The following DGKI variants were observed in gnomAD, a reference collection of about 807,000 sequenced individuals.
DGKI encodes the protein diacylglycerol kinase iota, also known as DAG kinase iota.
A neutral mutation model predicts 147.5 loss-of-function variants in DGKI; 55 were observed. The ratio of observed to expected loss-of-function variants is 0.37; its 90% confidence interval spans 0.30 to 0.47. The LOEUF (loss-of-function observed/expected upper bound fraction) is 0.47. Among genes scored for constraint, DGKI ranks in the 20% least tolerant of loss-of-function variants. The probability of loss-of-function intolerance (pLI) is 1.00; values close to 1 mark genes in which losing one functional copy is unlikely to be tolerated. For missense variants in DGKI, 1,007 were observed against 1,323.8 expected (o/e 0.76, Z 3.71); for synonymous variants, 469 against 477.1 (o/e 0.98, Z 0.22).
chr7:137,440,073 G>A (rs558037963), intron 28 of DGKI, among the ~76,000 whole-genome samples: 11 of 152,332 alleles, frequency 7.2e-5, no homozygotes, highest in African/African-American at 2.6e-4. Context: ...CAGAAAGGAA[G>A]ATGAGTTCTC....
At chr7:137,645,205 T>C (rs1007781831) in intron 6 of DGKI, among the ~76,000 whole-genome samples, 3 of 152,244 alleles carry the variant, frequency 2.0e-5, no homozygotes, top group African/African-American at 7.2e-5. Flanking sequence ...AAAACAGTCA[T>C]GTTTTCAAAA....
At chr7:137,789,837 C>A (rs1476881939) in intron 1 of DGKI, among the ~76,000 whole-genome samples, 1 of 152,146 alleles carries the variant, frequency 6.6e-6, no homozygotes, top group Non-Finnish European at 1.5e-5. Context: ...TGTATTCCCC[C>A]AAACACAACA....
chr7:137,396,506 G>C (rs1811558278), intron 31 of DGKI, among the ~76,000 whole-genome samples: 1 of 152,200 alleles, frequency 6.6e-6, no homozygotes, highest in Non-Finnish European at 1.5e-5. Context: ...CTTTAGAGAA[G>C]GCAAAATGGG....
chr7:137,397,158 G>A (rs747761693), intron 31 of DGKI, among the ~76,000 whole-genome samples: 10 of 152,210 alleles, frequency 6.6e-5, no homozygotes, highest in South Asian at 4.1e-4. Context: ...GATGATTAGC[G>A]CTGACTATGG....
chr7:137,552,730 G>A (rs552473035), intron 19 of DGKI, among the ~76,000 whole-genome samples, 162 bp from the exon 20 acceptor site: 28 of 148,428 alleles, frequency 1.9e-4, no homozygotes, highest in South Asian at 2.1e-4. Flanking sequence ...CCAACATGGC[G>A]AGACCCGGTC....
chr7:137,785,353 C>T (rs997791395), intron 1 of DGKI, among the ~76,000 whole-genome samples: 9 of 151,800 alleles, frequency 5.9e-5, no homozygotes, highest in African/African-American at 1.9e-4. Context: ...GTGCATAAAC[C>T]AGAAAACCTG....
chr7:137,646,363 T>C (rs1821824348), intron 5 of DGKI, among the ~76,000 whole-genome samples: 1 of 152,174 alleles, frequency 6.6e-6, no homozygotes, highest in Admixed American at 6.5e-5. Context: ...TTTGCAATGG[T>C]ATTGTGTTTA....
chr7:137,532,412 T>C (rs1393070992), intron 20 of DGKI, among the ~76,000 whole-genome samples: 2 of 152,210 alleles, frequency 1.3e-5, no homozygotes, highest in East Asian at 1.9e-4. Flanking sequence ...ACAATGTATA[T>C]ACTCTCCTAA....
intron 1 of DGKI, among the ~76,000 whole-genome samples, chr7:137,783,819 T>C (rs1319233502): frequency 6.6e-6 from 1 of 152,228 alleles, no homozygotes; most frequent in African/African-American, 2.4e-5. Context: ...TGGGATTCTA[T>C]TTTTAGCCTC....
At chr7:137,512,378 C>CA (rs955592078) in intron 21 of DGKI, among the ~76,000 whole-genome samples, 21 of 152,236 alleles carry the variant, frequency 1.4e-4, no homozygotes, top group African/African-American at 4.8e-4. Flanking sequence ...TGTGACTCTG[C>CA]AATGGCCAAC....
rs1207459653 is a variant in DGKI, at chr7:137,846,685, C to G, written c.178G>C (p.Gly60Arg). ...CCGCCCGTCGCCCCTTTCTCCTCTC[C>G]CGCCGAGGAGCTGGGGTTCATGGCG... Reference protein sequence around the residue: ...AGAMNPSSSAGEEKGATGGSS... With the variant: ...AGAMNPSSSAREEKGATGGSS... The change falls in exon 1 of 33, where the codon GGA becomes CGA. Residue 60 changes from glycine (G) to arginine (R), a missense_variant. Gly to Arg is a moderately radical substitution (Grantham distance 125, BLOSUM62 -2). Transcript: ENST00000614521. The surrounding 1 kb of genome is among the most constrained non-coding windows in gnomAD (Gnocchi z 4.0). 9.4e-7 allele frequency: 1 copy of G among 1,068,494 alleles called. No homozygotes were observed. The highest frequency in any genetic ancestry group is 1.1e-6 in the Non-Finnish European group (1 of 880,598). 66.2% of individuals were successfully genotyped at this position (1,068,494 alleles called of 1,614,324 possible). A position where few individuals can be genotyped will look rare whatever the true frequency, so the allele number is the denominator to read the frequency against.
intron 23 of DGKI, among the ~76,000 whole-genome samples, chr7:137,479,880 T>C (rs113732828): frequency 3.8e-4 from 58 of 152,254 alleles, no homozygotes; most frequent in Non-Finnish European, 7.2e-4. Context: ...CAAATAGGTA[T>C]GTATGTGTCT....
chr7:137,827,349 AAC>A (rs1342060257), intron 1 of DGKI, among the ~76,000 whole-genome samples: 1 of 152,154 alleles, frequency 6.6e-6, no homozygotes, highest in Non-Finnish European at 1.5e-5. Flanking sequence ...ATGAGCATTT[AAC>A]TAACCTTCCC....
intron 3 of DGKI, among the ~76,000 whole-genome samples, chr7:137,669,709 G>A (rs1822773737): frequency 6.6e-6 from 1 of 152,172 alleles, no homozygotes; most frequent in Non-Finnish European, 1.5e-5. Context: ...CTTAATGAAA[G>A]TTTAGTATAA....
In DGKI at chr7:137,385,689, G is replaced by A. The variant is rs1811159270; in HGVS notation, c.*5531C>T. 1 of 152,038 alleles carries A rather than the reference G, an allele frequency of 6.6e-6. No individual in the cohort carries two copies. The highest frequency in any genetic ancestry group is 2.1e-4 in the South Asian group (1 of 4,826). 9.4% of individuals were successfully genotyped at this position (152,038 alleles called of 1,614,324 possible). ...TTCTAAGTCTTGTTTTAAAATCTTAGTTTCAGATACATTTTTAGAAATCTA... is the reference window on the plus strand; with the variant it reads ...TTCTAAGTCTTGTTTTAAAATCTTAATTTCAGATACATTTTTAGAAATCTA... On this transcript the variant is annotated 3_prime_UTR_variant, in exon 33 of 33. Coordinates refer to ENST00000614521, the MANE Select transcript of DGKI (RefSeq NM_001321708.2).
At chr7:137,632,693 C>T (rs1657542232) in intron 6 of DGKI, among the ~76,000 whole-genome samples, 1 of 151,912 alleles carries the variant, frequency 6.6e-6, no homozygotes, top group Admixed American at 6.6e-5. Context: ...CCCGTCTCCA[C>T]TAAAAATACA....
At chr7:137,625,689 G>A (rs1295437746) in intron 6 of DGKI, among the ~76,000 whole-genome samples, 1 of 150,336 alleles carries the variant, frequency 6.7e-6, no homozygotes, top group Non-Finnish European at 1.5e-5. Flanking sequence ...CTTGAGCCCT[G>A]GAGTTTGTGA....
chr7:137,493,113 A>C (rs1302529604), intron 21 of DGKI, among the ~76,000 whole-genome samples: 1 of 152,158 alleles, frequency 6.6e-6, no homozygotes, highest in Non-Finnish European at 1.5e-5. Flanking sequence ...CACTGCTGCC[A>C]GCATGAGCGC....
At chr7:137,833,943 T>G (rs1236619828) in intron 1 of DGKI, among the ~76,000 whole-genome samples, 2 of 152,200 alleles carry the variant, frequency 1.3e-5, no homozygotes, top group Non-Finnish European at 2.9e-5. Flanking sequence ...TTAAGTGCAC[T>G]AGACAGGGGG....
Sources: gnomAD v4.1 joint callset for allele counts (sites outside exome capture counted in the v4.1 genomes callset) on GRCh38, gnomAD v4.1.1 for gene constraint, Gnocchi (gnomAD v3.1) non-coding constraint, MANE v1.5 for transcripts, NCBI Gene and HGNC (gene_info 2026-07-23, HGNC 2026-07-21) for gene names.